Variants in BTAF1 observed in about 807,000 individuals in gnomAD.
BTAF1 encodes the protein B-TFIID TATA-box binding protein associated factor 1.
In BTAF1, 38 loss-of-function variants were observed where a neutral mutation model predicts 227.1. The ratio of observed to expected loss-of-function variants is 0.17; its 90% CI spans 0.13 to 0.22. The LOEUF is 0.22. BTAF1 is among the 10% of genes least tolerant of loss of function. The probability of loss-of-function intolerance (pLI) is 1.00; values close to 1 mark genes in which losing one functional copy is unlikely to be tolerated. For synonymous variants in BTAF1, 742 were observed against 751.9 expected (o/e 0.99, Z 0.21); for missense variants, 1,598 against 2,204.0 (o/e 0.73, Z 5.51).
chr10:91,934,915 A>G (rs1589746086), intron 1 of BTAF1, among the ~76,000 whole-genome samples: 1 of 152,230 alleles, frequency 6.6e-6, no homozygotes, highest in Non-Finnish European at 1.5e-5. Flanking sequence ...TCAGTATTAC[A>G]TAGTTGGGGA....
chr10:92,016,579 A>G (rs1434872668), intron 33 of BTAF1, 114 bp downstream of exon 33: 1 of 852,698 alleles, frequency 1.2e-6, no homozygotes, highest in Middle Eastern at 3.7e-4. Context: ...CCTGGGTTCA[A>G]GCTATCATGC....
chr10:91,963,903 ATTG>A (rs1846703722), intron 12 of BTAF1, among the ~76,000 whole-genome samples, 171 bp from the exon 13 acceptor site: 1 of 152,180 alleles, frequency 6.6e-6, no homozygotes, highest in African/African-American at 2.4e-5. Flanking sequence ...GGAATAGAGA[ATTG>A]TTAAAGGCAA....
intron 11 of BTAF1, among the ~76,000 whole-genome samples, chr10:91,962,152 G>C (rs1002581247): frequency 6.6e-6 from 1 of 152,040 alleles, no homozygotes; most frequent in Non-Finnish European, 1.5e-5. Flanking sequence ...TATGATGGTG[G>C]TCCCATAAGA....
chr10:91,962,524 G>T lies in BTAF1; in HGVS notation c.1264-14G>T. 1 of 1,482,804 alleles carries T rather than the reference G, an allele frequency of 6.7e-7. No homozygotes were observed. Among genetic ancestry groups the T allele is most frequent in the Non-Finnish European group, 9.2e-7 (1 of 1,086,794 alleles). The allele number at this position is 1,482,804 out of a possible 1,614,324, so 91.9% of individuals were successfully genotyped here. A position where few individuals can be genotyped will look rare whatever the true frequency, so the allele number is the denominator to read the frequency against. On this transcript the variant is annotated splice_polypyrimidine_tract_variant and intron_variant, in intron 11 of 37. Transcript: ENST00000265990. ...GAATAGAAAATTAATTTATTTTCAT[G>T]TACTGTTTTACAGGATGTAATTAAT... is the stretch of plus-strand genomic sequence containing the variant.
At chr10:92,012,097 TCCC>T (rs1231207366) in intron 30 of BTAF1, among the ~76,000 whole-genome samples, 2 of 43,706 alleles carry the variant, frequency 4.6e-5, no homozygotes, top group Non-Finnish European at 8.5e-5. Flanking sequence ...CTCCCTCCCC[TCCC>T]CCTCCCTCCC....
intron 14 of BTAF1, among the ~76,000 whole-genome samples, chr10:91,979,378 C>T (rs1388772799): frequency 6.6e-6 from 1 of 151,984 alleles, no homozygotes; most frequent in Non-Finnish European, 1.5e-5. Context: ...CTGTTTTTAC[C>T]TCTTTGAGGA....
intron 1 of BTAF1, among the ~76,000 whole-genome samples, chr10:91,924,696 T>C (rs771730578): frequency 6.6e-6 from 1 of 152,222 alleles, no homozygotes; most frequent in African/African-American, 2.4e-5. Context: ...AAATCACAGA[T>C]CTTATATTCT....
At position 92,008,103 on chromosome 10, in the gene BTAF1, C is replaced by A; in HGVS notation, c.3661-20C>A. The A allele has an allele frequency of 6.4e-7, 1 of 1,559,328 alleles. No individual in the cohort carries two copies. Among genetic ancestry groups the A allele is most frequent in the Non-Finnish European group, 8.6e-7 (1 of 1,163,738 alleles). ...ACTGTGAGTACGTAGTTTTTAATAA[C>A]TTTAAAAAAATCATTTTAGGCAGGC... On this transcript the variant is annotated intron_variant, in intron 25 of 37. Transcript: ENST00000265990.
At position 91,939,930 on chromosome 10, in the gene BTAF1, CTT is replaced by C. The variant is rs773586746; in HGVS notation, c.139-19_139-18del. On this transcript the variant is annotated intron_variant, in intron 2 of 37. Coordinates refer to ENST00000265990, the MANE Select transcript of BTAF1 (RefSeq NM_003972.3). Reference sequence around the variant, plus strand: ...GCAAACAATATTTTTGTATACGTAACTTTTATTTTATAATTTTTAAGGTGTTG... The same window carrying C: ...GCAAACAATATTTTTGTATACGTAACTTATTTTATAATTTTTAAGGTGTTG... 6.5e-7 allele frequency: 1 copy of C among 1,535,158 alleles called. No homozygotes were observed. Among genetic ancestry groups the C allele is most frequent in the African/African-American group, 1.4e-5 (1 of 73,208 alleles).
In BTAF1 at chr10:91,966,625, C is replaced by G; in HGVS notation, c.1530-12C>G. On this transcript the variant is annotated splice_polypyrimidine_tract_variant and intron_variant, in intron 13 of 37. Transcript: ENST00000265990. ...TAGAATAAGTAAGATTAATTTGTGT[C>G]TTCTTTATTAGTATTCAGCAGTCAC... 2 of 1,612,070 alleles carry G rather than the reference C, an allele frequency of 1.2e-6. No homozygotes were observed. The highest frequency in any genetic ancestry group is 1.7e-6 in the Non-Finnish European group (2 of 1,179,148).
At chr10:91,997,040 T>A in intron 24 of BTAF1, 1 of 1,117,610 alleles carries the variant, frequency 8.9e-7, no homozygotes, top group Non-Finnish European at 1.2e-6. Context: ...GCTAAGGGTA[T>A]GGCAGCAGCT....
chr10:92,009,182 C>T lies in BTAF1; in HGVS notation c.4077C>T (p.Tyr1359=). The part of the protein sequence containing the change: ...CSREYLNPLH[Y]TGPPTERIRL... ...GAGAATATCTCAACCCGTTGCATTA[C>T]ACTGGACCTCCCACTGAAAGAATAA... The change falls in exon 28 of 38, where the codon TAC becomes TAT. Residue 1359 remains tyrosine (Y), a synonymous_variant. Coordinates refer to ENST00000265990, the MANE Select transcript of BTAF1 (RefSeq NM_003972.3). 1.2e-6 allele frequency: 2 copies of T among 1,614,058 alleles called. No homozygotes were observed. The highest frequency in any genetic ancestry group is 1.7e-6 in the Non-Finnish European group (2 of 1,179,948).
intron 8 of BTAF1, among the ~76,000 whole-genome samples, chr10:91,958,210 G>A (rs964808129): frequency 1.2e-4 from 18 of 151,726 alleles, no homozygotes; most frequent in Non-Finnish European, 2.9e-5. Context: ...CACCACACCC[G>A]GCTACTTTTA....
At position 91,964,192 on chromosome 10, in the gene BTAF1, A is replaced by C; in HGVS notation, c.1520A>C (p.Gln507Pro). The change falls in exon 13 of 38, where the codon CAA becomes CCA. Residue 507 changes from glutamine to proline, a missense_variant. By Grantham distance (76) the Gln-to-Pro change is moderately conservative (BLOSUM62 -1). This residue lies in a region of BTAF1 where 318 missense variants were observed against 435.0 expected (regional missense o/e 0.73). Transcript: ENST00000265990. ...TCCTTGTTAACTTACCCTCAGGTCC[A>C]ACAATGCAGGTAATTATTTCTAATT... The part of the protein sequence containing the change: ...LSSLLTYPQV[Q>P]QCSIQQSLTV... 2 of 1,612,204 alleles carry C rather than the reference A, an allele frequency of 1.2e-6. No individual in the cohort carries two copies. The highest frequency in any genetic ancestry group is 8.5e-7 in the Non-Finnish European group (1 of 1,179,358).
In BTAF1 at chr10:91,956,620, T is replaced by G. The variant is rs897770228; in HGVS notation, c.794T>G (p.Ile265Ser). 2.5e-6 allele frequency: 4 copies of G among 1,610,000 alleles called. No homozygotes were observed. Among genetic ancestry groups the G allele is most frequent in the Non-Finnish European group, 3.4e-6 (4 of 1,178,686 alleles). ...NQSANDSKVL[I>S]DNIPDSSSLI... ...TCTGCAAATGATTCCAAAGTCTTGATTGATAATATTCCAGACAGCTCTTCC... is the reference window on the plus strand; with the variant it reads ...TCTGCAAATGATTCCAAAGTCTTGAGTGATAATATTCCAGACAGCTCTTCC... Residue 265 changes from isoleucine (I) to serine (S), a missense_variant, in exon 7 of 38, where the codon ATT (isoleucine) becomes AGT (serine). By Grantham distance (142) the Ile-to-Ser change is moderately radical. This residue lies in a region of BTAF1 where 298 missense variants were observed against 395.2 expected (regional missense o/e 0.75). Transcript: ENST00000265990.
In BTAF1 at chr10:91,981,664, A is replaced by AAGG; in HGVS notation, c.1778_1780dup (p.Lys593_Ala594insGlu). The AAGG allele has an allele frequency of 6.2e-7, 1 of 1,611,074 alleles. No individual in the cohort carries two copies. The highest frequency in any genetic ancestry group is 8.5e-7 in the Non-Finnish European group (1 of 1,179,078). Reference sequence around the variant, plus strand: ...GCAGGTTTGGATGGAACTGTTGAGTAAGGCTTCAGTTCAGTATGTGGTAGC... The same window carrying AAGG: ...GCAGGTTTGGATGGAACTGTTGAGTAAGGAGGCTTCAGTTCAGTATGTGGTAGC... On this transcript the variant is annotated inframe_insertion, in exon 16 of 38. Transcript: ENST00000265990.
At chr10:92,014,564 T>C (rs1850572904) in intron 32 of BTAF1, among the ~76,000 whole-genome samples, 1 of 152,142 alleles carries the variant, frequency 6.6e-6, no homozygotes, top group Non-Finnish European at 1.5e-5. Flanking sequence ...ATTGAAAAGA[T>C]TGCAAGGTAT....
chr10:91,972,250 AT>A (rs1190016279), intron 14 of BTAF1, among the ~76,000 whole-genome samples: 1 of 152,078 alleles, frequency 6.6e-6, no homozygotes, highest in Non-Finnish European at 1.5e-5. Context: ...TTCCCCTAAT[AT>A]TTCCTAATGT....
intron 11 of BTAF1, among the ~76,000 whole-genome samples, chr10:91,962,208 C>A (rs1469590297): frequency 2.6e-5 from 4 of 152,030 alleles, no homozygotes; most frequent in African/African-American, 4.8e-5. Context: ...TTTAAATATA[C>A]CAATATTTAT....
Sources: allele counts gnomAD v4.1 joint callset (sites outside exome capture counted in the v4.1 genomes callset), GRCh38; gene constraint gnomAD v4.1.1; regional missense constraint gnomAD v4.1.1; transcripts MANE v1.5; gene names NCBI Gene and HGNC (gene_info 2026-07-23, HGNC 2026-07-21).